KCNK10: variants seen among roughly 807,000 people sequenced by gnomAD.
KCNK10 encodes potassium two pore domain channel subfamily K member 10.
In KCNK10, 25 loss-of-function variants were observed where a neutral mutation model predicts 47.7. The observed-to-expected ratio is 0.52, with a 90% confidence interval of 0.38 to 0.73. The LOEUF is 0.73. Ranked by LOEUF, KCNK10 falls within the 30% of genes least tolerant of loss-of-function variation. KCNK10 has a pLI of 0.00. For synonymous variants in KCNK10, 303 were observed against 285.6 expected, an observed-to-expected ratio of 1.06 and a Z score of -0.61; for missense variants, 563 against 714.5, an observed-to-expected ratio of 0.79 and a Z score of 2.42.
chr14:88,185,710 A>G lies in KCNK10; in HGVS notation c.1457T>C (p.Leu486Pro). 1 of 1,614,088 alleles carries G rather than the reference A, an allele frequency of 6.2e-7. No homozygotes were observed. The highest frequency in any genetic ancestry group is 1.1e-5 in the South Asian group (1 of 91,064). Residue 486 changes from leucine to proline, a missense_variant, in exon 7 of 7, where the codon CTG becomes CCG. By Grantham distance (98) the Leu-to-Pro change is moderately conservative. Transcript: ENST00000319231. This position sits in a 1 kb window ranked among gnomAD's most constrained non-coding sequence, Gnocchi z 4.3. ...KIYKTFRNYS[L>P]DEEKKEEETE... is the part of the protein sequence containing the mutation. ...CTCCTCCTCTTTCTTCTCCTCGTCCAGGGAGTAATTCCGGAAGGTCTTGTA... is the reference window on the plus strand; with the variant it reads ...CTCCTCCTCTTTCTTCTCCTCGTCCGGGGAGTAATTCCGGAAGGTCTTGTA...
chr14:88,210,318 T>C (rs1885413030), intron 4 of KCNK10, among the ~76,000 whole-genome samples: 1 of 152,238 alleles, frequency 6.6e-6, no homozygotes, highest in Non-Finnish European at 1.5e-5. Flanking sequence ...GATGCATGGC[T>C]GTTTTCTCCT....
chr14:88,202,528 G>C (rs898955306), intron 4 of KCNK10, among the ~76,000 whole-genome samples: 1 of 152,168 alleles, frequency 6.6e-6, no homozygotes, highest in Non-Finnish European at 1.5e-5. Context: ...AGATGTAACA[G>C]GGTTAAACCT....
chr14:88,242,207 A>C (rs891462189), intron 2 of KCNK10, among the ~76,000 whole-genome samples: 4 of 152,260 alleles, frequency 2.6e-5, no homozygotes, highest in Non-Finnish European at 5.9e-5. Context: ...GTCACAAATC[A>C]GATTACAACT....
intron 3 of KCNK10, among the ~76,000 whole-genome samples, chr14:88,228,391 G>A (rs2139873776): frequency 6.6e-6 from 1 of 152,284 alleles, no homozygotes; most frequent in East Asian, 1.9e-4. Context: ...ACCCTATATG[G>A]ATGAGGCTAA....
chr14:88,188,529 C>A (rs2013974), intron 5 of KCNK10, among the ~76,000 whole-genome samples: 3,362 of 152,246 alleles, frequency 0.022, 117 homozygotes, highest in African/African-American at 0.075. Flanking sequence ...GTTTGGAATT[C>A]TTGGAACCAT....
At chr14:88,211,450 G>A (rs1475761650) in intron 4 of KCNK10, among the ~76,000 whole-genome samples, 2 of 152,180 alleles carry the variant, frequency 1.3e-5, no homozygotes, top group African/African-American at 2.4e-5. Context: ...GCACAACAAT[G>A]TGAATGTACT....
At chr14:88,206,035 A>T (rs1219317874) in intron 4 of KCNK10, among the ~76,000 whole-genome samples, 1 of 152,256 alleles carries the variant, frequency 6.6e-6, no homozygotes, top group Non-Finnish European at 1.5e-5. Context: ...GGATGTACAC[A>T]CACATATGCA....
chr14:88,286,640 TG>T (rs1320986904), intron 1 of KCNK10, among the ~76,000 whole-genome samples: 2 of 152,318 alleles, frequency 1.3e-5, no homozygotes, highest in Admixed American at 1.3e-4. Context: ...TCCATGTGGC[TG>T]GGAAGTCCTC....
Position 88,322,765 on chromosome 14 carries a change from C to T in KCNK10, c.34G>A (p.Val12Met), listed in dbSNP as rs754416580. 6.2e-6 allele frequency: 10 copies of T among 1,614,070 alleles called. No homozygotes were observed. Among genetic ancestry groups the T allele is most frequent in the Middle Eastern group, 1.6e-4 (1 of 6,084 alleles). Residue 12 changes from valine to methionine, a missense_variant, in exon 1 of 7, where the codon GTG becomes ATG. Transcript: ENST00000319231. The surrounding 1 kb of genome is among the most constrained non-coding windows in gnomAD (Gnocchi z 4.8). ...CACCCACCTTTAGGATCCCAGTTCA[C>T]CTGTTTTCTTGGCGTCTCGATTGGA... ...KFPIETPRKQVNWDPKVAVPA... is the reference protein window; with the variant it reads ...KFPIETPRKQMNWDPKVAVPA...
chr14:88,265,652 T>G (rs939053570), intron 1 of KCNK10, among the ~76,000 whole-genome samples: 10 of 152,234 alleles, frequency 6.6e-5, no homozygotes, highest in South Asian at 2.1e-4. Flanking sequence ...GGTTTGGCTG[T>G]GTCCCCACCC....
At chr14:88,201,906 A>G (rs1267480277) in intron 4 of KCNK10, among the ~76,000 whole-genome samples, 4 of 152,246 alleles carry the variant, frequency 2.6e-5, no homozygotes, top group Non-Finnish European at 5.9e-5. Context: ...CTCCAGGGAC[A>G]CATGCTCCAT....
chr14:88,221,357 C>T (rs1475152061), intron 4 of KCNK10, among the ~76,000 whole-genome samples: 1 of 149,184 alleles, frequency 6.7e-6, no homozygotes, highest in East Asian at 1.9e-4. Context: ...TAAATCTCAA[C>T]AATAAAGAAA....
At chr14:88,216,327 T>C (rs1472267922) in intron 4 of KCNK10, among the ~76,000 whole-genome samples, 1 of 152,142 alleles carries the variant, frequency 6.6e-6, no homozygotes, top group African/African-American at 2.4e-5. Context: ...TTTGGGGCAA[T>C]TGTCCCCTTA....
At chr14:88,274,715 G>A (rs984872157) in intron 1 of KCNK10, among the ~76,000 whole-genome samples, 1 of 152,044 alleles carries the variant, frequency 6.6e-6, no homozygotes. Flanking sequence ...TAAAATACAT[G>A]GAAGTGACAA....
intron 4 of KCNK10, among the ~76,000 whole-genome samples, chr14:88,225,521 A>T (rs1291033513): frequency 6.6e-6 from 1 of 152,216 alleles, no homozygotes; most frequent in Non-Finnish European, 1.5e-5. Flanking sequence ...TCATTAGGGG[A>T]GACTAAGTCC....
rs57040887 is a variant in KCNK10 at position 88,240,231 on chromosome 14, C to G, written c.520+472G>C. On this transcript the variant is annotated intron_variant, in intron 3 of 6. Coordinates refer to ENST00000319231, the MANE Select transcript of KCNK10 (RefSeq NM_138317.3). ...CTGAAAATTCCAGAAGTAGCACAAG[C>G]ATGATATTTAAAGACATGGGGATGA... is the stretch of plus-strand genomic sequence containing the variant. 1.9e-4 allele frequency among the ~76,000 whole-genome samples: 29 copies of G among 152,230 alleles called. 1 individual carries two copies. Among genetic ancestry groups the G allele is most frequent in the African/African-American group, 7.0e-4 (29 of 41,546 alleles).
intron 4 of KCNK10, among the ~76,000 whole-genome samples, chr14:88,221,567 T>C (rs10047835): frequency 0.059 from 9,042 of 152,202 alleles, 553 homozygotes; most frequent in East Asian, 0.24. Context: ...GATGAGGATG[T>C]GGAGCAACAG....
intron 4 of KCNK10, among the ~76,000 whole-genome samples, chr14:88,200,733 T>G (rs1367232125): frequency 1.3e-5 from 2 of 152,252 alleles, no homozygotes; most frequent in African/African-American, 2.4e-5. Flanking sequence ...GTATTTATCA[T>G]GTACCTACTC....
chr14:88,240,281 G>A (rs1339964648), intron 3 of KCNK10, among the ~76,000 whole-genome samples: 11 of 152,206 alleles, frequency 7.2e-5, no homozygotes, highest in Non-Finnish European at 1.3e-4. Context: ...AATCAAAACA[G>A]ATGAAAGCAA....
Sources: allele counts gnomAD v4.1 joint callset (sites outside exome capture counted in the v4.1 genomes callset), GRCh38; gene constraint gnomAD v4.1.1; non-coding constraint Gnocchi (gnomAD v3.1); transcripts MANE v1.5; gene names NCBI Gene and HGNC (gene_info 2026-07-23, HGNC 2026-07-21).